SIK2: variants seen among roughly 807,000 people sequenced by gnomAD.
SIK2 encodes serine/threonine-protein kinase SIK2.
In SIK2, 29 loss-of-function variants were observed where a neutral mutation model predicts 103.2. The ratio of observed to expected loss-of-function variants is 0.28; its 90% CI spans 0.21 to 0.38. The LOEUF is 0.38. Among genes scored for constraint, SIK2 ranks in the 10% least tolerant of loss-of-function variants. The probability of loss-of-function intolerance (pLI) is 1.00; values close to 1 mark genes in which losing one functional copy is unlikely to be tolerated. For synonymous variants in SIK2, 412 were observed against 446.1 expected (o/e 0.92, Z 0.96); for missense variants, 879 against 1,171.0 (o/e 0.75, Z 3.64).
chr11:111,604,989 G>A (rs1011089791), intron 1 of SIK2, among the ~76,000 whole-genome samples: 2 of 143,616 alleles, frequency 1.4e-5, no homozygotes, highest in African/African-American at 5.3e-5. Flanking sequence ...ACGGAGCCTC[G>A]CTCTTGTTGC....
chr11:111,653,149 T>C (rs1942348232), intron 3 of SIK2, among the ~76,000 whole-genome samples: 1 of 152,100 alleles, frequency 6.6e-6, no homozygotes, highest in East Asian at 1.9e-4. Context: ...CCAACTACCC[T>C]TCCCCTCAAC....
chr11:111,666,828 A>AAT (rs1205181427), intron 3 of SIK2, among the ~76,000 whole-genome samples: 1 of 152,188 alleles, frequency 6.6e-6, no homozygotes, highest in East Asian at 1.9e-4. Context: ...TGGGCATAAT[A>AAT]ATAGCAGAGA....
intron 4 of SIK2, among the ~76,000 whole-genome samples, chr11:111,691,143 C>T (rs180991784): frequency 2.4e-4 from 36 of 152,254 alleles, no homozygotes; most frequent in South Asian, 4.1e-4. Flanking sequence ...ATAAAATATA[C>T]GTGGGTCAAA....
In SIK2 at chr11:111,725,736, GTC is replaced by G. The variant is rs1943944507; in HGVS notation, c.*1609_*1610del. On this transcript the variant is annotated 3_prime_UTR_variant, in exon 15 of 15. Transcript: ENST00000304987. ...CGTTCAGGCAGGTGACGTGTGGAAA[GTC>G]TAGGGGGTTCCATTCTGGCCATGCG... is the stretch of plus-strand genomic sequence containing the variant. 1 of 152,670 alleles carries G rather than the reference GTC, an allele frequency of 6.6e-6. No individual in the cohort carries two copies. Among genetic ancestry groups the G allele is most frequent in the Non-Finnish European group, 1.5e-5 (1 of 68,050 alleles). The allele number at this position is 152,670 out of a possible 1,614,324, so 9.5% of individuals were successfully genotyped here.
rs1941598428 is a variant in SIK2 at position 111,602,610 on chromosome 11, G to A, written c.47G>A (p.Arg16Gln). Residue 16 changes from arginine to glutamine, a missense_variant, in exon 1 of 15, where the codon CGG becomes CAG. By Grantham distance (43) the Arg-to-Gln change is conservative. Coordinates refer to ENST00000304987, the MANE Select transcript of SIK2 (RefSeq NM_015191.3). This position sits in a 1 kb window ranked among gnomAD's most constrained non-coding sequence, Gnocchi z 4.5. ...GPRHLQRGPV[R>Q]VGFYDIEGTL... The stretch of plus-strand genomic sequence containing the variant: ...AGGCACTTGCAGCGCGGGCCGGTCC[G>A]GGTGGGGTTCTACGACATCGAGGGC... The A allele has an allele frequency of 1.3e-6, 2 of 1,535,570 alleles. No homozygotes were observed. The highest frequency in any genetic ancestry group is 8.8e-7 in the Non-Finnish European group (1 of 1,140,728).
intron 3 of SIK2, among the ~76,000 whole-genome samples, chr11:111,636,801 G>T (rs960602335): frequency 6.6e-6 from 1 of 152,168 alleles, no homozygotes; most frequent in Non-Finnish European, 1.5e-5. Flanking sequence ...GAATAATGAG[G>T]ATATTGTTCC....
In SIK2 at chr11:111,602,465, A is replaced by C; in HGVS notation, c.-99A>C. 7.8e-7 allele frequency: 1 copy of C among 1,288,932 alleles called. No homozygotes were observed. The highest frequency in any genetic ancestry group is 1.8e-5 in the South Asian group (1 of 56,930). 79.8% of individuals were successfully genotyped at this position (1,288,932 alleles called of 1,614,324 possible). A position where few individuals can be genotyped will look rare whatever the true frequency, so the allele number is the denominator to read the frequency against. On this transcript the variant is annotated 5_prime_UTR_variant, in exon 1 of 15. Coordinates refer to ENST00000304987, the MANE Select transcript of SIK2 (RefSeq NM_015191.3). This position sits in a 1 kb window ranked among gnomAD's most constrained non-coding sequence, Gnocchi z 4.5. Reference sequence around the variant, plus strand: ...GCGGGAGGGAAGGAGCGAAGGAGCGAAGGAGCAAGCGGAGCGGCCGTCGCC... The same window carrying C: ...GCGGGAGGGAAGGAGCGAAGGAGCGCAGGAGCAAGCGGAGCGGCCGTCGCC...
At chr11:111,622,487 A>T (rs529229) in intron 3 of SIK2, among the ~76,000 whole-genome samples, 4 of 151,950 alleles carry the variant, frequency 2.6e-5, no homozygotes, top group African/African-American at 9.7e-5. Context: ...ATCACCTGAC[A>T]TCGTGATCCG....
In SIK2 at chr11:111,637,618, C is replaced by T. The variant is rs531082575; in HGVS notation, c.316+17216C>T. On this transcript the variant is annotated intron_variant, in intron 3 of 14. Transcript: ENST00000304987. ...GGGTTTACAGGTGCCCACCACCACGCCTGGCTGATTTTTTTGTACTTTCAG... is the reference window on the plus strand; with the variant it reads ...GGGTTTACAGGTGCCCACCACCACGTCTGGCTGATTTTTTTGTACTTTCAG... Among the ~76,000 whole-genome samples the T allele has an allele frequency of 3.9e-5, 6 of 152,052 alleles. No homozygotes were observed. The South Asian group carries it at 1.2e-3, about 32-fold the overall frequency.
Position 111,724,483 on chromosome 11 carries a change from G to A in SIK2, c.*354G>A, listed in dbSNP as rs146444945. ...TCCGTTTATTATCAAGGGCAACCTT[G>A]GTGAAAGCAGAAAGGGTGTGTGCTA... On this transcript the variant is annotated 3_prime_UTR_variant, in exon 15 of 15. Transcript: ENST00000304987. 4.4e-4 allele frequency: 119 copies of A among 268,194 alleles called. 2 individuals carry two copies. The East Asian group carries it at 8.8e-3, about 20-fold the overall frequency. The allele number at this position is 268,194 out of a possible 1,614,324, so 16.6% of individuals were successfully genotyped here.
At chr11:111,669,438 T>C (rs1443168037) in intron 3 of SIK2, among the ~76,000 whole-genome samples, 1 of 152,134 alleles carries the variant, frequency 6.6e-6, no homozygotes, top group Non-Finnish European at 1.5e-5. Flanking sequence ...AAATTAGAAA[T>C]GTTTTCCCAA....
rs746314398 is a variant in SIK2 at position 111,720,941 on chromosome 11, C to G, written c.1823C>G (p.Thr608Ser). ...FRQHLQNLAR[T>S]KGILELNKVQ... ...CAACATCTTCAGAATCTGGCTAGAA[C>G]CAAAGGAATTCTAGAGTTGAACAAA... The change falls in exon 12 of 15, where the codon ACC becomes AGC. Residue 608 changes from threonine to serine, a missense_variant. Coordinates refer to ENST00000304987, the MANE Select transcript of SIK2 (RefSeq NM_015191.3). 28 of 1,613,984 alleles carry G rather than the reference C, an allele frequency of 1.7e-5. No homozygotes were observed. Among genetic ancestry groups the G allele is most frequent in the Admixed American group, 5.0e-5 (3 of 59,988 alleles).
At chr11:111,620,271 C>A in intron 2 of SIK2, 68 bp from the exon 3 acceptor site, 1 of 1,002,038 alleles carries the variant, frequency 1.0e-6, no homozygotes, top group Non-Finnish European at 1.5e-6. Flanking sequence ...ATTTAGGTAA[C>A]TCGATAGAAT....
intron 3 of SIK2, among the ~76,000 whole-genome samples, chr11:111,657,495 T>G (rs1942406253): frequency 6.6e-6 from 1 of 152,102 alleles, no homozygotes; most frequent in Non-Finnish European, 1.5e-5. Context: ...CCTCAAGCGA[T>G]CCTCCCACCC....
chr11:111,658,750 A>T (rs1167102503), intron 3 of SIK2, among the ~76,000 whole-genome samples: 1 of 151,714 alleles, frequency 6.6e-6, no homozygotes, highest in South Asian at 2.1e-4. Flanking sequence ...CAAAAAAAAA[A>T]GAAGAAGAAG....
intron 3 of SIK2, among the ~76,000 whole-genome samples, chr11:111,666,634 T>C (rs1346731197): frequency 6.6e-6 from 1 of 152,236 alleles, no homozygotes. Context: ...TGTTACAATC[T>C]CTTTTTCTTC....
In SIK2 at chr11:111,645,588, A is replaced by G. The variant is rs138285158; in HGVS notation, c.316+25186A>G. On this transcript the variant is annotated intron_variant, in intron 3 of 14. Coordinates refer to ENST00000304987, the MANE Select transcript of SIK2 (RefSeq NM_015191.3). ...GTAATCCCAGCACTTTGGGAGGCCA[A>G]GGTGGGTGGATCACCTGAGGTTGGG... is the stretch of plus-strand genomic sequence containing the variant. Among the ~76,000 whole-genome samples the G allele has an allele frequency of 3.6e-3, 543 of 152,294 alleles. 2 individuals carry two copies. Among genetic ancestry groups the G allele is most frequent in the African/African-American group, 0.012 (507 of 41,558 alleles).
At chr11:111,612,946 A>ATATATATATATT (rs1203133793) in intron 1 of SIK2, among the ~76,000 whole-genome samples, 1 of 148,290 alleles carries the variant, frequency 6.7e-6, no homozygotes, top group Non-Finnish European at 1.5e-5. Context: ...ATATATATAT[A>ATATATATATATT]TTTATGATCA....
rs1943834568 is a variant in SIK2, at chr11:111,722,581, A to G, written c.2056-84A>G. 3 of 1,275,724 alleles carry G rather than the reference A, an allele frequency of 2.4e-6. No individual in the cohort carries two copies. The highest frequency in any genetic ancestry group is 3.4e-6 in the Non-Finnish European group (3 of 894,136). 79.0% of individuals were successfully genotyped at this position (1,275,724 alleles called of 1,614,324 possible). ...GATTCTGTAGAATGCAGTTAGATTC[A>G]TCCTGCAGGCAGAAGCACATCTGAT... On this transcript the variant is annotated intron_variant, in intron 13 of 14. Coordinates refer to ENST00000304987, the MANE Select transcript of SIK2 (RefSeq NM_015191.3). The surrounding 1 kb of genome is among the most constrained non-coding windows in gnomAD (Gnocchi z 4.4).
Sources: gnomAD v4.1 joint callset for allele counts (sites outside exome capture counted in the v4.1 genomes callset) on GRCh38, gnomAD v4.1.1 for gene constraint, Gnocchi (gnomAD v3.1) non-coding constraint, MANE v1.5 for transcripts, NCBI Gene and HGNC (gene_info 2026-07-23, HGNC 2026-07-21) for gene names.